SYT16: variants seen among roughly 807,000 people sequenced by gnomAD.
SYT16 encodes synaptotagmin-16.
Under a neutral mutation model 61.4 loss-of-function variants are expected in SYT16, and 42 were observed. The ratio of observed to expected loss-of-function variants is 0.68; its 90% CI spans 0.53 to 0.89. The LOEUF is 0.89. SYT16 is among the 40% of genes least tolerant of loss of function. The pLI, the probability that SYT16 is intolerant of heterozygous loss-of-function variation, is 0.00. For synonymous variants in SYT16, 314 were observed against 302.3 expected, an observed-to-expected ratio of 1.04 and a Z score of -0.40; for missense variants, 804 against 807.3, an observed-to-expected ratio of 1.00 and a Z score of 0.05.
intron 5 of SYT16, among the ~76,000 whole-genome samples, chr14:62,076,636 G>A (rs774878705): frequency 1.1e-4 from 16 of 151,988 alleles, no homozygotes; most frequent in Non-Finnish European, 2.2e-4. Flanking sequence ...CCTTCATATG[G>A]AGGCACCCAA....
At chr14:61,924,954 A>G (rs573694330) in intron 1 of SYT16, among the ~76,000 whole-genome samples, 1 of 152,140 alleles carries the variant, frequency 6.6e-6, no homozygotes, top group African/African-American at 2.4e-5. Flanking sequence ...CTTCTGTCTC[A>G]TTGCTTCACC....
At chr14:62,073,495 A>T (rs902890819) in intron 4 of SYT16, among the ~76,000 whole-genome samples, 2 of 152,084 alleles carry the variant, frequency 1.3e-5, no homozygotes, top group African/African-American at 4.8e-5. Flanking sequence ...TGTTTTTAGG[A>T]TGTTTGCCAA....
At chr14:61,914,660 GTCTA>G (rs764544030) in intron 1 of SYT16, among the ~76,000 whole-genome samples, 60 of 152,100 alleles carry the variant, frequency 3.9e-4, no homozygotes, top group Non-Finnish European at 3.4e-4. Flanking sequence ...TTTATATCCA[GTCTA>G]TCTATCAGTC....
intron 1 of SYT16, among the ~76,000 whole-genome samples, chr14:61,895,487 C>T (rs921707286): frequency 2.6e-5 from 4 of 152,172 alleles, no homozygotes; most frequent in Non-Finnish European, 5.9e-5. Context: ...TGAGTTTTCT[C>T]ATCTGCAAAA....
intron 1 of SYT16, among the ~76,000 whole-genome samples, chr14:61,949,821 C>A (rs1343197605): frequency 6.6e-6 from 1 of 152,164 alleles, no homozygotes; most frequent in Non-Finnish European, 1.5e-5. Flanking sequence ...TAGCTCCGTA[C>A]CCTTAGAGGA....
chr14:61,969,733 C>T (rs2051466180), intron 1 of SYT16, among the ~76,000 whole-genome samples: 1 of 152,158 alleles, frequency 6.6e-6, no homozygotes, highest in East Asian at 1.9e-4. Flanking sequence ...CTTTAGGCAG[C>T]TGCATTTTTG....
chr14:61,823,093 A>G (rs1361443956), intron 1 of SYT16, among the ~76,000 whole-genome samples: 1 of 152,190 alleles, frequency 6.6e-6, no homozygotes, highest in East Asian at 1.9e-4. Context: ...CCTGGGTTCA[A>G]GTGATTCTCC....
chr14:61,892,016 G>C (rs2048150013), intron 1 of SYT16, among the ~76,000 whole-genome samples: 1 of 152,092 alleles, frequency 6.6e-6, no homozygotes, highest in Non-Finnish European at 1.5e-5. Flanking sequence ...GACTGGGTTT[G>C]GCTGGACTGA....
intron 7 of SYT16, among the ~76,000 whole-genome samples, chr14:62,089,936 G>A (rs778192796): frequency 7.1e-4 from 108 of 152,276 alleles, no homozygotes; most frequent in African/African-American, 1.8e-3. Context: ...TTGGCTTCAC[G>A]GGAAAGCAAT....
chr14:61,912,297 G>A (rs976729334), intron 1 of SYT16, among the ~76,000 whole-genome samples: 10 of 152,170 alleles, frequency 6.6e-5, no homozygotes, highest in African/African-American at 2.4e-4. Flanking sequence ...TCAGAGGATA[G>A]GATAGGATTA....
chr14:61,902,282 TATCTTTTC>T (rs1449366612), intron 1 of SYT16, among the ~76,000 whole-genome samples: 4 of 152,208 alleles, frequency 2.6e-5, no homozygotes, highest in Non-Finnish European at 5.9e-5. Flanking sequence ...CAAAAGGCCA[TATCTTTTC>T]ATCTTTGGCA....
chr14:61,914,221 A>G (rs2049035437), intron 1 of SYT16, among the ~76,000 whole-genome samples: 1 of 152,202 alleles, frequency 6.6e-6, no homozygotes, highest in Admixed American at 6.5e-5. Flanking sequence ...AGGACCAAGC[A>G]AAGTTTCTTT....
At chr14:62,002,478 C>T (rs2053059149) in intron 3 of SYT16, among the ~76,000 whole-genome samples, 1 of 152,020 alleles carries the variant, frequency 6.6e-6, no homozygotes, top group Non-Finnish European at 1.5e-5. Flanking sequence ...TGTTATTATG[C>T]ATTACTTATT....
chr14:61,868,081 A>G (rs1043193472), intron 1 of SYT16, among the ~76,000 whole-genome samples: 11 of 151,940 alleles, frequency 7.2e-5, no homozygotes, highest in African/African-American at 1.9e-4. Flanking sequence ...TTGTGTGTCT[A>G]TATTCTTGTT....
At chr14:61,934,151 G>A (rs991859826) in intron 1 of SYT16, among the ~76,000 whole-genome samples, 1 of 152,070 alleles carries the variant, frequency 6.6e-6, no homozygotes, top group Non-Finnish European at 1.5e-5. Flanking sequence ...ATTCATGATT[G>A]TATAAACTTA....
At chr14:61,861,871 A>C (rs555578134) in intron 1 of SYT16, among the ~76,000 whole-genome samples, 10 of 152,344 alleles carry the variant, frequency 6.6e-5, no homozygotes, top group African/African-American at 1.9e-4. Context: ...TTAAGTATAC[A>C]ATAGCATCAT....
chr14:61,892,178 C>T (rs1288250140), intron 1 of SYT16, among the ~76,000 whole-genome samples: 27 of 152,082 alleles, frequency 1.8e-4, no homozygotes, highest in Non-Finnish European at 2.8e-4. Context: ...CCTTCTCTCT[C>T]GCTTCTTCCT....
chr14:62,018,797 T>C (rs1314449837), intron 3 of SYT16, among the ~76,000 whole-genome samples: 1 of 152,166 alleles, frequency 6.6e-6, no homozygotes, highest in Non-Finnish European at 1.5e-5. Context: ...ACTCTCCACC[T>C]GTCCCCATCC....
chr14:62,081,376 A>C, intron 6 of SYT16, 102 bp downstream of exon 6: 1 of 1,311,170 alleles, frequency 7.6e-7, no homozygotes, highest in South Asian at 1.5e-5. Context: ...CAGAGACTTT[A>C]ATTTAATTTT....
Sources: allele counts gnomAD v4.1 joint callset (sites outside exome capture counted in the v4.1 genomes callset), GRCh38; gene constraint gnomAD v4.1.1; transcripts MANE v1.5; gene names NCBI Gene and HGNC (gene_info 2026-07-23, HGNC 2026-07-21).